Variants in LUZP2 observed in about 807,000 individuals in gnomAD.
LUZP2 encodes leucine zipper protein 2.
A neutral mutation model predicts 51.6 loss-of-function variants in LUZP2; 52 were observed. That is an observed-to-expected ratio of 1.01 (90% confidence interval 0.81 to 1.27). The LOEUF (loss-of-function observed/expected upper bound fraction) is 1.27, where lower values mean the gene tolerates loss of function less well. Ranked by LOEUF, LUZP2 falls within the 50% of genes most tolerant of loss-of-function variation. The pLI is 0.00. For missense variants in LUZP2, 436 were observed against 395.4 expected, an observed-to-expected ratio of 1.10 and a Z score of -0.87; for synonymous variants, 154 against 137.3, an observed-to-expected ratio of 1.12 and a Z score of -0.85.
intron 1 of LUZP2, among the ~76,000 whole-genome samples, chr11:24,581,222 C>T (rs1407389154): frequency 1.3e-5 from 2 of 151,774 alleles, no homozygotes; most frequent in African/African-American, 2.4e-5. Flanking sequence ...AAAATTCTCC[C>T]CACTTATTAT....
Position 24,566,352 on chromosome 11 carries a change from A to G in LUZP2, c.62+69047A>G, listed in dbSNP as rs1427938467. ...TTTTTTTTTTTTTTTTTTTTTTGAGACGTAGTCTCACTCTGTCGCCAGGCT... is the reference window on the plus strand; with the variant it reads ...TTTTTTTTTTTTTTTTTTTTTTGAGGCGTAGTCTCACTCTGTCGCCAGGCT... On this transcript the variant is annotated intron_variant, in intron 1 of 11. Coordinates refer to ENST00000336930, the MANE Select transcript of LUZP2 (RefSeq NM_001009909.4). Among the ~76,000 whole-genome samples the G allele has an allele frequency of 5.1e-5, 7 of 137,410 alleles. No individual in the cohort carries two copies. In the East Asian group the frequency reaches 1.4e-3, roughly 28 times the overall value. The allele number at this position is 137,410 out of a possible 152,430, so 90.1% of individuals were successfully genotyped here. A position where few individuals can be genotyped will look rare whatever the true frequency, so the allele number is the denominator to read the frequency against.
At chr11:24,916,629 C>T (rs926055291) in intron 7 of LUZP2, among the ~76,000 whole-genome samples, 2 of 152,048 alleles carry the variant, frequency 1.3e-5, no homozygotes, top group African/African-American at 4.8e-5. Context: ...ATGATAGTTT[C>T]CAGCTTCATC....
chr11:24,895,253 C>T (rs1853001640), intron 5 of LUZP2, among the ~76,000 whole-genome samples: 1 of 151,856 alleles, frequency 6.6e-6, no homozygotes, highest in African/African-American at 2.4e-5. Context: ...TTGGAAGAAC[C>T]CAGCAAGTGG....
At chr11:24,651,459 G>A (rs1315870247) in intron 1 of LUZP2, among the ~76,000 whole-genome samples, 3 of 152,072 alleles carry the variant, frequency 2.0e-5, no homozygotes, top group African/African-American at 7.2e-5. Context: ...TGCCTAAAGG[G>A]AGAAGGGGCA....
intron 1 of LUZP2, among the ~76,000 whole-genome samples, chr11:24,532,837 A>C (rs941210368): frequency 6.6e-6 from 1 of 151,134 alleles, no homozygotes; most frequent in African/African-American, 2.4e-5. Context: ...TGAATTTTTA[A>C]CTATAATTAT....
chr11:24,778,445 A>C (rs1849003204), intron 5 of LUZP2, among the ~76,000 whole-genome samples: 1 of 152,022 alleles, frequency 6.6e-6, no homozygotes, highest in African/African-American at 2.4e-5. Context: ...CAAACAAATA[A>C]AATTTATACA....
At chr11:24,664,848 T>C (rs557412271) in intron 1 of LUZP2, among the ~76,000 whole-genome samples, 42 of 152,292 alleles carry the variant, frequency 2.8e-4, no homozygotes, top group African/African-American at 9.9e-4. Context: ...AGGAGTTTGC[T>C]GCAGGGGCAG....
At chr11:25,050,526 G>T (rs541983319) in intron 10 of LUZP2, among the ~76,000 whole-genome samples, 2 of 152,112 alleles carry the variant, frequency 1.3e-5, no homozygotes, top group South Asian at 2.1e-4. Context: ...GGCTGGTCTT[G>T]ATCGCCTGAC....
chr11:25,032,880 A>T (rs11827720), intron 9 of LUZP2, among the ~76,000 whole-genome samples: 2 of 151,930 alleles, frequency 1.3e-5, no homozygotes, highest in Non-Finnish European at 2.9e-5. Context: ...AAGTTAGATC[A>T]AAGAAAAATT....
chr11:24,600,244 G>A (rs1456361632), intron 1 of LUZP2, among the ~76,000 whole-genome samples: 3 of 150,642 alleles, frequency 2.0e-5, no homozygotes, highest in Non-Finnish European at 4.4e-5. Context: ...ATCATGTGAA[G>A]TCACAGACAC....
chr11:24,808,239 A>G (rs1456151149), intron 5 of LUZP2, among the ~76,000 whole-genome samples: 2 of 152,168 alleles, frequency 1.3e-5, no homozygotes, highest in Non-Finnish European at 2.9e-5. Context: ...CTTAAGCCCA[A>G]TGACTTCCAA....
At chr11:24,952,895 T>C (rs1265083363) in intron 7 of LUZP2, among the ~76,000 whole-genome samples, 1 of 151,892 alleles carries the variant, frequency 6.6e-6, no homozygotes, top group Non-Finnish European at 1.5e-5. Context: ...GTTGAAGAGC[T>C]CTTTGGCCCA....
chr11:24,689,107 G>T (rs558431105), intron 1 of LUZP2, among the ~76,000 whole-genome samples: 35 of 152,298 alleles, frequency 2.3e-4, no homozygotes, highest in African/African-American at 8.2e-4. Context: ...TTTTAGAGGA[G>T]AAATGAAAGG....
chr11:24,898,569 GC>G lies in LUZP2; in HGVS notation c.397-7419del, dbSNP rs1338746022. Among the ~76,000 whole-genome samples, 374 of 151,978 alleles carry G rather than the reference GC, an allele frequency of 2.5e-3. 1 individual carries two copies. Among genetic ancestry groups the G allele is most frequent in the African/African-American group, 8.2e-3 (340 of 41,452 alleles). ...ACTTGGGAAGCAGAGCTTACAGTGA[GC>G]CCAGATCGTGCCACTGTACTCCAGC... On this transcript the variant is annotated intron_variant, in intron 5 of 11. Transcript: ENST00000336930.
At chr11:24,969,790 CA>C (rs1855692735) in intron 7 of LUZP2, among the ~76,000 whole-genome samples, 1 of 152,080 alleles carries the variant, frequency 6.6e-6, no homozygotes, top group Non-Finnish European at 1.5e-5. Flanking sequence ...TGTATGGCTA[CA>C]AAAGAATGTG....
intron 7 of LUZP2, among the ~76,000 whole-genome samples, chr11:24,928,370 T>A (rs1590743010): frequency 6.6e-6 from 1 of 152,118 alleles, no homozygotes; most frequent in Non-Finnish European, 1.5e-5. Flanking sequence ...TTTGTCCTCA[T>A]AGATGGCTTT....
chr11:24,567,012 A>AT (rs1157530528), intron 1 of LUZP2, among the ~76,000 whole-genome samples: 76 of 106,738 alleles, frequency 7.1e-4, no homozygotes, highest in Non-Finnish European at 1.0e-3. Flanking sequence ...ATATATATAT[A>AT]TATTTTTTTT....
intron 9 of LUZP2, among the ~76,000 whole-genome samples, chr11:25,029,034 A>G (rs992423771): frequency 2.6e-5 from 4 of 152,178 alleles, no homozygotes; most frequent in African/African-American, 9.6e-5. Context: ...AAATCAAACA[A>G]TTGAACTCAT....
chr11:25,075,105 A>C lies in LUZP2; in HGVS notation c.859-2224A>C, dbSNP rs536313861. 5.9e-5 allele frequency among the ~76,000 whole-genome samples: 9 copies of C among 152,318 alleles called. 2 individuals carry two copies. The highest frequency in any genetic ancestry group is 2.2e-4 in the African/African-American group (9 of 41,586). The stretch of plus-strand genomic sequence containing the variant: ...CAGCCAATTGGTTTATTAGAGCAAA[A>C]CAGAGTGATTATAATATTTCCAGAG... On this transcript the variant is annotated intron_variant, in intron 10 of 11. Transcript: ENST00000336930.
Sources: gnomAD v4.1 joint callset for allele counts (sites outside exome capture counted in the v4.1 genomes callset) on GRCh38, gnomAD v4.1.1 for gene constraint, MANE v1.5 for transcripts, NCBI Gene and HGNC (gene_info 2026-07-23, HGNC 2026-07-21) for gene names.